Variants in PDE11A observed in about 807,000 individuals in gnomAD.
PDE11A encodes phosphodiesterase 11A.
In PDE11A, 100 loss-of-function variants were observed where a neutral mutation model predicts 100.5. That is an observed-to-expected ratio of 1.00 (90% CI 0.85 to 1.18). The LOEUF (loss-of-function observed/expected upper bound fraction) is 1.18. Among genes scored for constraint, PDE11A ranks in the 50% most tolerant of loss-of-function variants. The probability of loss-of-function intolerance (pLI) is 0.00; values close to 1 mark genes in which losing one functional copy is unlikely to be tolerated. For missense variants in PDE11A, 1,141 were observed against 1,152.6 expected (o/e 0.99, Z 0.15); for synonymous variants, 381 against 420.8 (o/e 0.91, Z 1.16).
At chr2:177,746,343 G>C (rs114023491) in intron 10 of PDE11A, among the ~76,000 whole-genome samples, 3 of 152,078 alleles carry the variant, frequency 2.0e-5, no homozygotes, top group Non-Finnish European at 4.4e-5. Context: ...AATACTTGGC[G>C]GATAGATCTG....
chr2:177,673,857 G>A (rs943465961), intron 17 of PDE11A, among the ~76,000 whole-genome samples: 3 of 152,134 alleles, frequency 2.0e-5, no homozygotes, highest in African/African-American at 7.2e-5. Flanking sequence ...GAATTGTTGC[G>A]GGAAGCATTT....
At position 177,792,107 on chromosome 2, in the gene PDE11A, A is replaced by G. The variant is rs530849118; in HGVS notation, c.1738-22734T>C. 4.6e-5 allele frequency among the ~76,000 whole-genome samples: 7 copies of G among 152,342 alleles called. No homozygotes were observed. The South Asian group carries it at 1.2e-3, about 27-fold the overall frequency. ...ATAACTATTTCAAAATTAGTGTTCCATTCCCACAATTGCATTACTCCTCTC... is the reference window on the plus strand; with the variant it reads ...ATAACTATTTCAAAATTAGTGTTCCGTTCCCACAATTGCATTACTCCTCTC... On this transcript the variant is annotated intron_variant, in intron 9 of 19. Coordinates refer to ENST00000286063, the MANE Select transcript of PDE11A (RefSeq NM_016953.4).
chr2:177,784,039 C>T (rs977868907), intron 9 of PDE11A, among the ~76,000 whole-genome samples: 23 of 151,838 alleles, frequency 1.5e-4, no homozygotes, highest in Non-Finnish European at 4.4e-5. Flanking sequence ...TCTATGCCTC[C>T]AGATCAGATA....
rs369376172 is a variant in PDE11A, at chr2:178,072,402, T to G, written c.36A>C (p.Glu12Asp). 6.8e-6 allele frequency: 11 copies of G among 1,613,578 alleles called. No homozygotes were observed. Among genetic ancestry groups the G allele is most frequent in the Middle Eastern group, 1.6e-4 (1 of 6,084 alleles). The change falls in exon 1 of 20, where the codon GAA becomes GAC. Residue 12 changes from glutamate to aspartate, a missense_variant. Physicochemically the swap from Glu to Asp is conservative, Grantham distance 45. Coordinates refer to ENST00000286063, the MANE Select transcript of PDE11A (RefSeq NM_016953.4). ...AASRLDFGEV[E>D]TFLDRHPELF... is the part of the protein sequence containing the mutation. ...ACTCTGGGTGCCTGTCCAGGAAAGT[T>G]TCCACCTCCCCAAAGTCCAGGCGGG...
At chr2:178,028,379 T>C (rs1195456983) in intron 1 of PDE11A, among the ~76,000 whole-genome samples, 1 of 150,214 alleles carries the variant, frequency 6.7e-6, no homozygotes, top group Non-Finnish European at 1.5e-5. Flanking sequence ...AAACTGAAGG[T>C]GTCAACCTGT....
At chr2:177,773,114 T>C (rs2082332947) in intron 9 of PDE11A, among the ~76,000 whole-genome samples, 1 of 152,072 alleles carries the variant, frequency 6.6e-6, no homozygotes, top group African/African-American at 2.4e-5. Flanking sequence ...TTGACCTCCC[T>C]GGCTCAAGTG....
intron 19 of PDE11A, among the ~76,000 whole-genome samples, chr2:177,654,677 G>A (rs1266388616): frequency 6.6e-6 from 1 of 152,180 alleles, no homozygotes; most frequent in Non-Finnish European, 1.5e-5. Flanking sequence ...AGGAATAAGA[G>A]AATGTGAGGT....
chr2:177,802,874 G>T (rs1227090434), intron 9 of PDE11A, among the ~76,000 whole-genome samples: 1 of 151,872 alleles, frequency 6.6e-6, no homozygotes, highest in Admixed American at 6.6e-5. Flanking sequence ...ATGAATACAG[G>T]TATATTCATA....
upstream of PDE11A, among the ~76,000 whole-genome samples, chr2:178,076,160 C>A (rs1476750010): frequency 3.3e-5 from 5 of 152,146 alleles, no homozygotes; most frequent in African/African-American, 1.2e-4. Context: ...TCACTCAGAG[C>A]AAGGAAGAGG....
intron 16 of PDE11A, among the ~76,000 whole-genome samples, chr2:177,677,252 A>T (rs2080790069): frequency 6.6e-6 from 1 of 152,204 alleles, no homozygotes; most frequent in Non-Finnish European, 1.5e-5. Flanking sequence ...CCACAGGGTG[A>T]CTGACTCAGT....
chr2:177,798,465 T>C (rs1284744286), intron 9 of PDE11A, among the ~76,000 whole-genome samples: 1 of 152,214 alleles, frequency 6.6e-6, no homozygotes, highest in Non-Finnish European at 1.5e-5. Context: ...CATTAATGAT[T>C]ATTTATCTTA....
At chr2:177,907,087 A>C (rs1013906231) in intron 2 of PDE11A, among the ~76,000 whole-genome samples, 11 of 152,152 alleles carry the variant, frequency 7.2e-5, no homozygotes, top group Non-Finnish European at 1.5e-4. Context: ...AATATATCAT[A>C]GGCTTGCTTC....
At chr2:177,758,190 G>A (rs2082118702) in intron 10 of PDE11A, among the ~76,000 whole-genome samples, 2 of 151,190 alleles carry the variant, frequency 1.3e-5, no homozygotes, top group South Asian at 4.2e-4. Flanking sequence ...CCAGCTACTC[G>A]GGAGGCTGAG....
intron 3 of PDE11A, among the ~76,000 whole-genome samples, chr2:177,901,488 G>C (rs1400855064): frequency 6.6e-6 from 1 of 152,160 alleles, no homozygotes; most frequent in East Asian, 1.9e-4. Flanking sequence ...TGAGAAATCA[G>C]CTTTGTCTAG....
chr2:177,864,573 CAG>C (rs1312037978), intron 5 of PDE11A, among the ~76,000 whole-genome samples: 4 of 152,072 alleles, frequency 2.6e-5, no homozygotes, highest in African/African-American at 9.6e-5. Context: ...TGAATTGTGG[CAG>C]AGTTTCAAAG....
intron 19 of PDE11A, among the ~76,000 whole-genome samples, chr2:177,640,198 G>T (rs2080119770): frequency 6.6e-6 from 1 of 152,056 alleles, no homozygotes; most frequent in South Asian, 2.1e-4. Flanking sequence ...TTTTAATGTT[G>T]ATTTTTAAAA....
intron 19 of PDE11A, among the ~76,000 whole-genome samples, chr2:177,630,144 C>A (rs1422592290): frequency 2.0e-5 from 3 of 151,966 alleles, no homozygotes; most frequent in African/African-American, 7.3e-5. Context: ...GAAAGGGAAG[C>A]AGTGTGGAAG....
In PDE11A at chr2:177,728,003, A is replaced by C. The variant is rs1159218280; in HGVS notation, c.1935+23T>G. 1.9e-6 allele frequency: 3 copies of C among 1,606,652 alleles called. No individual in the cohort carries two copies. In the African/African-American group the frequency reaches 4.0e-5, roughly 21 times the overall value. On this transcript the variant is annotated intron_variant, in intron 11 of 19. Coordinates refer to ENST00000286063, the MANE Select transcript of PDE11A (RefSeq NM_016953.4). The stretch of plus-strand genomic sequence containing the variant: ...ACGTTGTCCCAGGTGAACTGCTTGG[A>C]TCACCCAAGACAGACATCTTACCTC...
At chr2:177,984,455 C>T (rs2085918443) in intron 2 of PDE11A, among the ~76,000 whole-genome samples, 1 of 152,224 alleles carries the variant, frequency 6.6e-6, no homozygotes, top group African/African-American at 2.4e-5. Context: ...ATCTGTGCCT[C>T]CTTGGAGCAT....
Sources: allele counts gnomAD v4.1 joint callset (sites outside exome capture counted in the v4.1 genomes callset), GRCh38; gene constraint gnomAD v4.1.1; transcripts MANE v1.5; gene names NCBI Gene and HGNC (gene_info 2026-07-23, HGNC 2026-07-21).